The following CTNND2 variants were observed in gnomAD, a reference collection of about 807,000 sequenced individuals.
CTNND2 encodes the protein catenin delta-2.
Under a neutral mutation model 144.4 loss-of-function variants are expected in CTNND2, and 22 were observed. The ratio of observed to expected loss-of-function variants is 0.15; its 90% CI spans 0.11 to 0.22. The LOEUF (loss-of-function observed/expected upper bound fraction) is 0.22. Among genes scored for constraint, CTNND2 ranks in the 10% least tolerant of loss-of-function variants. The probability of loss-of-function intolerance (pLI) is 1.00; values close to 1 mark genes in which losing one functional copy is unlikely to be tolerated. For synonymous variants in CTNND2, 751 were observed against 695.6 expected (o/e 1.08, Z -1.25); for missense variants, 1,353 against 1,618.8 (o/e 0.84, Z 2.82).
intron 12 of CTNND2, among the ~76,000 whole-genome samples, chr5:11,133,094 C>T (rs190196816): frequency 1.3e-3 from 197 of 152,198 alleles, no homozygotes; most frequent in African/African-American, 4.2e-3. Flanking sequence ...AAGGACCACT[C>T]GCCTTGTTTC....
intron 1 of CTNND2, among the ~76,000 whole-genome samples, chr5:11,789,943 T>G (rs1157135627): frequency 6.6e-6 from 1 of 152,226 alleles, no homozygotes; most frequent in Non-Finnish European, 1.5e-5. Flanking sequence ...AAATGTATGT[T>G]GAACATCTGC....
At chr5:11,630,733 C>A (rs897413452) in intron 2 of CTNND2, among the ~76,000 whole-genome samples, 22 of 152,004 alleles carry the variant, frequency 1.4e-4, no homozygotes, top group African/African-American at 5.1e-4. Flanking sequence ...AGGTGGATCA[C>A]CTGAGGTCAG....
intron 2 of CTNND2, among the ~76,000 whole-genome samples, chr5:11,717,746 AT>A (rs1030746714): frequency 7.9e-5 from 12 of 152,222 alleles, no homozygotes; most frequent in African/African-American, 2.9e-4. Flanking sequence ...GTGCAGGGGA[AT>A]TCCCATTTTT....
In CTNND2 at chr5:11,774,559, AT is replaced by A. The variant is rs1273006626; in HGVS notation, c.38-42288del. On this transcript the variant is annotated intron_variant, in intron 1 of 21. Coordinates refer to ENST00000304623, the MANE Select transcript of CTNND2 (RefSeq NM_001332.4). ...AAAACTTAAAGTATAATAAAAAAAA[AT>A]TAAAAAAAAAAACAATGATGGCTTT... Among the ~76,000 whole-genome samples the A allele has an allele frequency of 8.0e-3, 987 of 122,986 alleles. 56 individuals carry two copies. Among genetic ancestry groups the A allele is most frequent in the Middle Eastern group, 0.011 (2 of 178 alleles). 80.7% of individuals were successfully genotyped at this position (122,986 alleles called of 152,430 possible).
chr5:11,297,423 G>A (rs1348416969), intron 9 of CTNND2, among the ~76,000 whole-genome samples: 2 of 152,148 alleles, frequency 1.3e-5, no homozygotes, highest in African/African-American at 2.4e-5. Flanking sequence ...ACAGATATGA[G>A]AATGCAGCTG....
At chr5:11,275,121 G>T (rs1746397172) in intron 9 of CTNND2, among the ~76,000 whole-genome samples, 2 of 152,092 alleles carry the variant, frequency 1.3e-5, no homozygotes, top group Non-Finnish European at 2.9e-5. Context: ...CTTGCAAAGT[G>T]CCAGGCACCA....
chr5:11,858,871 G>A (rs1457491153), intron 1 of CTNND2, among the ~76,000 whole-genome samples: 1 of 152,240 alleles, frequency 6.6e-6, no homozygotes, highest in African/African-American at 2.4e-5. Context: ...GGAGCTTGCA[G>A]TGAGCTGAGA....
chr5:11,397,818 T>TA (rs1561334286), intron 5 of CTNND2, among the ~76,000 whole-genome samples: 2 of 152,230 alleles, frequency 1.3e-5, no homozygotes, highest in African/African-American at 4.8e-5. Context: ...AAAGAGAACA[T>TA]ACGGTGTTCA....
intron 7 of CTNND2, among the ~76,000 whole-genome samples, chr5:11,370,302 A>G (rs777371526): frequency 3.3e-5 from 5 of 152,046 alleles, no homozygotes; most frequent in African/African-American, 4.8e-5. Flanking sequence ...ACAACCCCCA[A>G]GAGATTCTGA....
At chr5:11,040,221 G>A (rs750325425) in intron 16 of CTNND2, among the ~76,000 whole-genome samples, 1 of 152,090 alleles carries the variant, frequency 6.6e-6, no homozygotes, top group Admixed American at 6.5e-5. Flanking sequence ...ACTCTAGCCT[G>A]GGTGACAGGG....
At chr5:11,557,896 T>C (rs1776359404) in intron 3 of CTNND2, among the ~76,000 whole-genome samples, 1 of 152,186 alleles carries the variant, frequency 6.6e-6, no homozygotes, top group Admixed American at 6.5e-5. Flanking sequence ...ATTTGGAATC[T>C]CTTGATAATC....
intron 1 of CTNND2, among the ~76,000 whole-genome samples, chr5:11,857,029 A>T (rs1249967350): frequency 6.6e-6 from 1 of 152,242 alleles, no homozygotes; most frequent in Non-Finnish European, 1.5e-5. Context: ...AAGACCATGC[A>T]TTTAAAAAAT....
intron 10 of CTNND2, among the ~76,000 whole-genome samples, chr5:11,212,927 A>G (rs188991315): frequency 6.6e-6 from 1 of 152,348 alleles, no homozygotes; most frequent in East Asian, 1.9e-4. Flanking sequence ...GGACCCACAC[A>G]TGGTTTCTGG....
chr5:11,731,066 T>C (rs1479508741), intron 2 of CTNND2, among the ~76,000 whole-genome samples: 2 of 152,148 alleles, frequency 1.3e-5, no homozygotes, highest in Admixed American at 6.6e-5. Flanking sequence ...AGCCTAAAGC[T>C]CAACCCAATT....
intron 5 of CTNND2, among the ~76,000 whole-genome samples, chr5:11,398,978 G>A (rs1361040934): frequency 1.3e-5 from 2 of 152,216 alleles, no homozygotes; most frequent in African/African-American, 4.8e-5. Flanking sequence ...GGGGCAAGTG[G>A]AGACTAACCA....
intron 16 of CTNND2, among the ~76,000 whole-genome samples, chr5:11,044,490 C>T (rs1267414100): frequency 6.6e-6 from 1 of 150,892 alleles, no homozygotes; most frequent in Non-Finnish European, 1.5e-5. Context: ...GCAGTCCCTC[C>T]TACCCTATTT....
At chr5:11,329,870 C>T (rs891922904) in intron 9 of CTNND2, among the ~76,000 whole-genome samples, 2 of 152,200 alleles carry the variant, frequency 1.3e-5, no homozygotes, top group African/African-American at 4.8e-5. Flanking sequence ...CAATGAGACT[C>T]GTCTGGCTAA....
intron 8 of CTNND2, among the ~76,000 whole-genome samples, chr5:11,360,392 T>C (rs755221866): frequency 1.3e-4 from 20 of 152,154 alleles, no homozygotes; most frequent in Admixed American, 3.9e-4. Flanking sequence ...CTCTTACTCA[T>C]GTTAGCCTTA....
chr5:11,156,889 C>T (rs1758266798), intron 12 of CTNND2, among the ~76,000 whole-genome samples: 1 of 152,170 alleles, frequency 6.6e-6, no homozygotes, highest in South Asian at 2.1e-4. Context: ...GGATGCCACT[C>T]CGTTTATCTC....
Sources: gnomAD v4.1 joint callset for allele counts (sites outside exome capture counted in the v4.1 genomes callset) on GRCh38, gnomAD v4.1.1 for gene constraint, MANE v1.5 for transcripts, NCBI Gene and HGNC (gene_info 2026-07-23, HGNC 2026-07-21) for gene names.